Variants in DIAPH2 observed in about 807,000 individuals in gnomAD.
DIAPH2 encodes the protein diaphanous related formin 2.
A neutral mutation model predicts 92.7 loss-of-function variants in DIAPH2; 35 were observed. That is an observed-to-expected ratio of 0.38 (90% confidence interval 0.29 to 0.50). The LOEUF (loss-of-function observed/expected upper bound fraction) is 0.50, where lower values mean the gene tolerates loss of function less well. Ranked by LOEUF, DIAPH2 falls within the 20% of genes least tolerant of loss-of-function variation. The probability of loss-of-function intolerance (pLI) is 0.94; values close to 1 mark genes in which losing one functional copy is unlikely to be tolerated. For missense variants in DIAPH2, 701 were observed against 819.5 expected (o/e 0.86, Z 1.77); for synonymous variants, 301 against 280.4 (o/e 1.07, Z -0.73).
chrX:96,850,031 T>C (rs905576747), intron 4 of DIAPH2, among the ~76,000 whole-genome samples: 1 of 111,307 alleles, frequency 9.0e-6, no homozygotes, highest in East Asian at 2.8e-4. Context: ...TCCCTTCTTC[T>C]AGTAAAATAC....
chrX:97,045,886 A>G (rs1462426627), intron 17 of DIAPH2, among the ~76,000 whole-genome samples: 16 of 82,348 alleles, frequency 1.9e-4, no homozygotes, highest in African/African-American at 7.7e-4. Context: ...CAGAGTCTCT[A>G]TAGGCCAGGC....
chrX:96,842,134 T>A (rs1240484034), intron 4 of DIAPH2, among the ~76,000 whole-genome samples: 1 of 111,965 alleles, frequency 8.9e-6, no homozygotes, highest in Non-Finnish European at 1.9e-5. Flanking sequence ...CTTTCCTGCC[T>A]CTGTTCATGA....
intron 10 of DIAPH2, among the ~76,000 whole-genome samples, chrX:96,931,254 A>G (rs892880855): frequency 5.0e-4 from 56 of 111,758 alleles, no homozygotes; most frequent in African/African-American, 1.8e-3. Context: ...TATGCTAGAC[A>G]CATTGCTTAA....
chrX:96,964,644 A>T (rs1177269687), intron 16 of DIAPH2, among the ~76,000 whole-genome samples: 1 of 111,767 alleles, frequency 8.9e-6, no homozygotes, highest in Non-Finnish European at 1.9e-5. Context: ...TAGTTAATAT[A>T]TGCAAATAAC....
chrX:97,157,100 A>G (rs1159395587), intron 22 of DIAPH2, among the ~76,000 whole-genome samples: 1 of 110,914 alleles, frequency 9.0e-6, no homozygotes, highest in African/African-American at 3.3e-5. Context: ...AGATCACTTG[A>G]GGTTGAGACT....
At chrX:97,312,241 A>G (rs1273546112) in intron 23 of DIAPH2, among the ~76,000 whole-genome samples, 1 of 110,829 alleles carries the variant, frequency 9.0e-6, no homozygotes, top group Non-Finnish European at 1.9e-5. Context: ...TGGTTAGGTC[A>G]GATGTCTTTC....
intron 25 of DIAPH2, among the ~76,000 whole-genome samples, chrX:97,386,323 C>T (rs1359193420): frequency 9.0e-6 from 1 of 111,647 alleles, no homozygotes; most frequent in Non-Finnish European, 1.9e-5. Context: ...TACAGCATGG[C>T]AATATGTGTT....
At position 97,375,876 on chromosome X, in the gene DIAPH2, G is replaced by C. The variant is rs780230809; in HGVS notation, c.3010-8033G>C. 2.7e-5 allele frequency among the ~76,000 whole-genome samples: 3 copies of C among 111,647 alleles called. No individual in the cohort carries two copies. The South Asian group carries it at 1.1e-3, about 42-fold the overall frequency. On this transcript the variant is annotated intron_variant, in intron 24 of 26. Coordinates refer to ENST00000324765, the MANE Select transcript of DIAPH2 (RefSeq NM_006729.5). Reference sequence around the variant, plus strand: ...CCTCCTATCAGTAAAGATGGGAAAAGTATCAGAAAGCTTAGCAAGGCCTGG... The same window carrying C: ...CCTCCTATCAGTAAAGATGGGAAAACTATCAGAAAGCTTAGCAAGGCCTGG...
At chrX:96,937,629 C>T (rs1490893096) in intron 11 of DIAPH2, among the ~76,000 whole-genome samples, 1 of 111,509 alleles carries the variant, frequency 9.0e-6, no homozygotes, top group Non-Finnish European at 1.9e-5. Flanking sequence ...TAGCATAAGG[C>T]AATATATCTT....
At chrX:96,699,881 C>T (rs898804596) in intron 1 of DIAPH2, among the ~76,000 whole-genome samples, 4 of 112,549 alleles carry the variant, frequency 3.6e-5, no homozygotes, top group Non-Finnish European at 5.6e-5. Flanking sequence ...TCATTTCTGA[C>T]ATCTAAGGAA....
At chrX:97,026,735 C>T (rs1357928589) in intron 17 of DIAPH2, among the ~76,000 whole-genome samples, 2 of 111,909 alleles carry the variant, frequency 1.8e-5, no homozygotes, top group African/African-American at 3.2e-5. Context: ...TAAGCAACAT[C>T]GCTTTTTCTC....
intron 23 of DIAPH2, among the ~76,000 whole-genome samples, chrX:97,297,076 CTTTTTTT>C (rs57145821): frequency 1.9e-4 from 4 of 20,729 alleles, no homozygotes; most frequent in African/African-American, 1.9e-4. Flanking sequence ...CAGGCCTGGC[CTTTTTTT>C]TTTTTTTTTT....
intron 16 of DIAPH2, among the ~76,000 whole-genome samples, chrX:96,961,651 G>T (rs138518473): frequency 1.4e-3 from 152 of 108,953 alleles, no homozygotes; most frequent in African/African-American, 4.8e-3. Context: ...CCATTTTTTC[G>T]AAGTAGTTGT....
intron 17 of DIAPH2, among the ~76,000 whole-genome samples, chrX:97,002,072 G>A (rs768372192): frequency 9.0e-6 from 1 of 110,762 alleles, no homozygotes; most frequent in Non-Finnish European, 1.9e-5. Context: ...ATCCACAAAT[G>A]TATATTAGTC....
At chrX:96,889,524 A>G in intron 5 of DIAPH2, among the ~76,000 whole-genome samples, 1 of 112,073 alleles carries the variant, frequency 8.9e-6, no homozygotes, top group Non-Finnish European at 1.9e-5. Flanking sequence ...AGTTCAATAA[A>G]TAGCACTTAA....
At chrX:96,719,563 C>T (rs2063976855) in intron 1 of DIAPH2, among the ~76,000 whole-genome samples, 1 of 111,801 alleles carries the variant, frequency 8.9e-6, no homozygotes, top group Admixed American at 9.5e-5. Flanking sequence ...GATGTATGTT[C>T]TTGGCACCTT....
At chrX:96,894,046 T>C (rs1243120102) in intron 5 of DIAPH2, among the ~76,000 whole-genome samples, 1 of 110,211 alleles carries the variant, frequency 9.1e-6, no homozygotes, top group Non-Finnish European at 1.9e-5. Flanking sequence ...GATAACATAA[T>C]GTTATAGTAC....
At chrX:96,952,142 C>T (rs2147812280) in intron 15 of DIAPH2, among the ~76,000 whole-genome samples, 1 of 111,580 alleles carries the variant, frequency 9.0e-6, no homozygotes, top group African/African-American at 3.2e-5. Context: ...CATAGTTTTG[C>T]TACTTTCAAA....
At chrX:97,095,031 A>G (rs1206554179) in intron 19 of DIAPH2, among the ~76,000 whole-genome samples, 1 of 106,721 alleles carries the variant, frequency 9.4e-6, no homozygotes, top group Non-Finnish European at 1.9e-5. Flanking sequence ...ACCAAGCAAA[A>G]TGGGGAAAAG....
Sources: gnomAD v4.1 joint callset for allele counts (sites outside exome capture counted in the v4.1 genomes callset) on GRCh38, gnomAD v4.1.1 for gene constraint, MANE v1.5 for transcripts, NCBI Gene and HGNC (gene_info 2026-07-23, HGNC 2026-07-21) for gene names.